KIF13A: variants seen among roughly 807,000 people sequenced by gnomAD.
KIF13A encodes the protein kinesin-like protein KIF13A.
KIF13A carries 79 observed loss-of-function variants against 212.2 expected under a neutral mutation model. The ratio of observed to expected loss-of-function variants is 0.37; its 90% CI spans 0.31 to 0.45. The LOEUF is 0.45. KIF13A is among the 20% of genes least tolerant of loss of function. KIF13A has a pLI of 1.00. For synonymous variants in KIF13A, 789 were observed against 808.6 expected (o/e 0.98, Z 0.41); for missense variants, 1,901 against 2,209.0 (o/e 0.86, Z 2.79).
intron 2 of KIF13A, among the ~76,000 whole-genome samples, chr6:17,949,582 A>G (rs1777691949): frequency 6.6e-6 from 1 of 152,154 alleles, no homozygotes. Context: ...ATACTTCTAA[A>G]CAACATCACA....
In KIF13A at chr6:17,897,065, T is replaced by A. The variant is rs1772635391; in HGVS notation, c.159+1103A>T. 6.6e-6 allele frequency among the ~76,000 whole-genome samples: 1 copy of A among 152,220 alleles called. No homozygotes were observed. The highest frequency in any genetic ancestry group is 2.4e-5 in the African/African-American group (1 of 41,456). ...CTTTTCTAATATATTATATATTTCC[T>A]CTTTCTTAACAGATCTTATATCATT... On this transcript the variant is annotated intron_variant, in intron 3 of 38. Coordinates refer to ENST00000259711, the MANE Select transcript of KIF13A (RefSeq NM_022113.6). This position sits in a 1 kb window ranked among gnomAD's most constrained non-coding sequence, Gnocchi z 4.8.
At chr6:17,935,449 C>T (rs1015859903) in intron 2 of KIF13A, among the ~76,000 whole-genome samples, 1 of 152,128 alleles carries the variant, frequency 6.6e-6, no homozygotes, top group East Asian at 1.9e-4. Context: ...ACACATCCTG[C>T]GCTCTCTTGT....
Position 17,829,315 on chromosome 6 carries a change from C to G in KIF13A, c.1402-945G>C, listed in dbSNP as rs73722839. Among the ~76,000 whole-genome samples, 1 of 152,076 alleles carries G rather than the reference C, an allele frequency of 6.6e-6. No individual in the cohort carries two copies. The highest frequency in any genetic ancestry group is 1.5e-5 in the Non-Finnish European group (1 of 68,014). The stretch of plus-strand genomic sequence containing the variant: ...ATATCATTACATGTCTCATAGACTC[C>G]GGAAAACTCCACCAATACATGCGTG... On this transcript the variant is annotated intron_variant, in intron 13 of 38. Coordinates refer to ENST00000259711, the MANE Select transcript of KIF13A (RefSeq NM_022113.6). This position sits in a 1 kb window ranked among gnomAD's most constrained non-coding sequence, Gnocchi z 5.4.
In KIF13A at chr6:17,971,684, C is replaced by G. The variant is rs1175956440; in HGVS notation, c.146+15370G>C. ...AAGCGATCCTCCCACCTCTGCCTCC[C>G]AAAGAATTGGGATTACAGGAGTGAG... On this transcript the variant is annotated intron_variant, in intron 2 of 38. Transcript: ENST00000259711. The surrounding 1 kb of genome is among the most constrained non-coding windows in gnomAD (Gnocchi z 4.2). Among the ~76,000 whole-genome samples the G allele has an allele frequency of 6.6e-6, 1 of 152,124 alleles. No individual in the cohort carries two copies. The highest frequency in any genetic ancestry group is 1.5e-5 in the Non-Finnish European group (1 of 68,022).
chr6:17,933,142 G>A (rs955944977), intron 2 of KIF13A, among the ~76,000 whole-genome samples: 8 of 152,094 alleles, frequency 5.3e-5, no homozygotes, highest in Non-Finnish European at 8.8e-5. Context: ...GAAAAGAATG[G>A]CTGGAGAACA....
At chr6:17,766,619 A>G (rs973623316) in intron 38 of KIF13A, among the ~76,000 whole-genome samples, 1 of 152,044 alleles carries the variant, frequency 6.6e-6, no homozygotes, top group Admixed American at 6.6e-5. Flanking sequence ...CAGTGATGCA[A>G]CTGTAGCTCA....
At chr6:17,970,737 G>T (rs747657356) in intron 2 of KIF13A, among the ~76,000 whole-genome samples, 1 of 152,136 alleles carries the variant, frequency 6.6e-6, no homozygotes, top group African/African-American at 2.4e-5. Flanking sequence ...GGATGTTAGT[G>T]ATAGGCTCAG....
chr6:17,929,209 T>A (rs1174835680), intron 2 of KIF13A, among the ~76,000 whole-genome samples: 1 of 151,838 alleles, frequency 6.6e-6, no homozygotes, highest in Non-Finnish European at 1.5e-5. Flanking sequence ...TGTGTGTGTG[T>A]GAGAGAGACA....
intron 2 of KIF13A, among the ~76,000 whole-genome samples, chr6:17,977,143 C>G (rs1332057118): frequency 6.8e-6 from 1 of 147,916 alleles, no homozygotes; most frequent in Non-Finnish European, 1.5e-5. Flanking sequence ...AAAAGAAATG[C>G]ACATTCCCAG....
rs1020908926 is a variant in KIF13A at position 17,839,556 on chromosome 6, A to C, written c.831-1973T>G. Among the ~76,000 whole-genome samples the C allele has an allele frequency of 6.6e-6, 1 of 152,218 alleles. No individual in the cohort carries two copies. The highest frequency in any genetic ancestry group is 1.5e-5 in the Non-Finnish European group (1 of 68,040). On this transcript the variant is annotated intron_variant, in intron 9 of 38. Transcript: ENST00000259711. The surrounding 1 kb of genome is among the most constrained non-coding windows in gnomAD (Gnocchi z 4.3). ...TTACGTGAAAGAAGCCAAACACAAAAGGCCATTGTCCTGGGTTGAACAGTA... is the reference window on the plus strand; with the variant it reads ...TTACGTGAAAGAAGCCAAACACAAACGGCCATTGTCCTGGGTTGAACAGTA...
chr6:17,982,730 C>G lies in KIF13A; in HGVS notation c.146+4324G>C, dbSNP rs796320063. ...AAACTTCTGTAGAAAGCAAGTTCCA[C>G]TATATTCTTTTCACAGCACAGCATC... On this transcript the variant is annotated intron_variant, in intron 2 of 38. Coordinates refer to ENST00000259711, the MANE Select transcript of KIF13A (RefSeq NM_022113.6). The surrounding 1 kb of genome is among the most constrained non-coding windows in gnomAD (Gnocchi z 5.1). Among the ~76,000 whole-genome samples, 8 of 152,278 alleles carry G rather than the reference C, an allele frequency of 5.3e-5. 1 individual carries two copies. The highest frequency in any genetic ancestry group is 1.9e-4 in the African/African-American group (8 of 41,554).
Position 17,951,719 on chromosome 6 carries a change from T to C in KIF13A, c.146+35335A>G, listed in dbSNP as rs1340953724. On this transcript the variant is annotated intron_variant, in intron 2 of 38. Coordinates refer to ENST00000259711, the MANE Select transcript of KIF13A (RefSeq NM_022113.6). The surrounding 1 kb of genome is among the most constrained non-coding windows in gnomAD (Gnocchi z 4.9). ...CACATCAATGGAATCATACAATACA[T>C]GGTTCCTTATGACTGCTTATTTCAC... Among the ~76,000 whole-genome samples the C allele has an allele frequency of 6.6e-6, 1 of 152,188 alleles. No individual in the cohort carries two copies. Among genetic ancestry groups the C allele is most frequent in the Non-Finnish European group, 1.5e-5 (1 of 68,046 alleles).
chr6:17,946,774 G>T (rs1017434934), intron 2 of KIF13A, among the ~76,000 whole-genome samples: 1 of 152,134 alleles, frequency 6.6e-6, no homozygotes, highest in African/African-American at 2.4e-5. Context: ...GTTCATAAAA[G>T]CCCCAAACTG....
chr6:17,987,459 G>A lies in KIF13A; in HGVS notation c.5C>T (p.Ser2Leu). ...GACGGCAACTTTTACCTTGGTATCC[G>A]ACATGTTGGCTGCGCTCGCCCGGCC... Reference protein sequence around the residue: MSDTKVKVAVRV... With the variant: MLDTKVKVAVRV... The change falls in exon 1 of 39, where the codon TCG (serine) becomes TTG (leucine). Residue 2 changes from serine (S) to leucine (L), a missense_variant. Coordinates refer to ENST00000259711, the MANE Select transcript of KIF13A (RefSeq NM_022113.6). The surrounding 1 kb of genome is among the most constrained non-coding windows in gnomAD (Gnocchi z 7.7). The A allele has an allele frequency of 7.6e-7, 1 of 1,317,586 alleles. No individual in the cohort carries two copies. Among genetic ancestry groups the A allele is most frequent in the Non-Finnish European group, 1.0e-6 (1 of 1,001,928 alleles). The allele number at this position is 1,317,586 out of a possible 1,614,324, so 81.6% of individuals were successfully genotyped here.
rs1171121834 is a variant in KIF13A, at chr6:17,872,421, T to A, written c.220+956A>T. On this transcript the variant is annotated intron_variant, in intron 4 of 38. Coordinates refer to ENST00000259711, the MANE Select transcript of KIF13A (RefSeq NM_022113.6). The surrounding 1 kb of genome is among the most constrained non-coding windows in gnomAD (Gnocchi z 4.7). ...GTAGGAAGAAATAGTTCACGAGCTC[T>A]ATTGTACAACACGGTGACTATAGTT... Among the ~76,000 whole-genome samples the A allele has an allele frequency of 6.6e-6, 1 of 152,188 alleles. No individual in the cohort carries two copies. Among genetic ancestry groups the A allele is most frequent in the East Asian group, 1.9e-4 (1 of 5,190 alleles).
At chr6:17,939,661 G>A (rs370809431) in intron 2 of KIF13A, among the ~76,000 whole-genome samples, 5 of 152,228 alleles carry the variant, frequency 3.3e-5, no homozygotes, top group African/African-American at 1.2e-4. Context: ...GTAAAGAAGC[G>A]GCTAAAACCT....
intron 38 of KIF13A, 132 bp from the exon 39 acceptor site, chr6:17,765,078 A>C (rs1199417042): frequency 2.8e-6 from 2 of 706,462 alleles, no homozygotes; most frequent in Non-Finnish European, 4.6e-6. Context: ...TGTCTTTCCA[A>C]ATTTGGCCAG....
intron 20 of KIF13A, among the ~76,000 whole-genome samples, chr6:17,803,425 C>T (rs961813844): frequency 6.6e-6 from 1 of 152,124 alleles, no homozygotes; most frequent in African/African-American, 2.4e-5. Flanking sequence ...CACCCCACAA[C>T]TGGGAACCCG....
downstream of KIF13A, chr6:17,760,870 G>T (rs1215413053): frequency 6.2e-7 from 1 of 1,613,742 alleles, no homozygotes; most frequent in South Asian, 1.1e-5. Context: ...CCGTGAGGTT[G>T]TGCCTCCCTG....
Sources: gnomAD v4.1 joint callset for allele counts (sites outside exome capture counted in the v4.1 genomes callset) on GRCh38, gnomAD v4.1.1 for gene constraint, Gnocchi (gnomAD v3.1) non-coding constraint, MANE v1.5 for transcripts, NCBI Gene and HGNC (gene_info 2026-07-23, HGNC 2026-07-21) for gene names.